Variants in SARM1 observed in about 807,000 individuals in gnomAD.
SARM1 encodes the protein sterile alpha and TIR motif containing 1, also known as NAD(+) hydrolase SARM1.
In SARM1, 60 loss-of-function variants were observed where a neutral mutation model predicts 65.1. The ratio of observed to expected loss-of-function variants is 0.92; its 90% CI spans 0.75 to 1.14. The LOEUF is 1.14. SARM1 is among the 50% of genes most tolerant of loss of function. The pLI is 0.00. For missense variants in SARM1, 913 were observed against 1,015.7 expected (o/e 0.90, Z 1.37); for synonymous variants, 417 against 465.4 (o/e 0.90, Z 1.34).
chr17:28,396,109 G>A (rs904782406), intron 8 of SARM1, 48 bp from the exon 9 acceptor site: 3 of 1,613,594 alleles, frequency 1.9e-6, no homozygotes, highest in African/African-American at 2.7e-5. Flanking sequence ...CTGACTAGCA[G>A]CTCCCTCTGC....
At chr17:28,378,988 A>AT (rs2068007287) in intron 1 of SARM1, among the ~76,000 whole-genome samples, 1 of 152,140 alleles carries the variant, frequency 6.6e-6, no homozygotes, top group African/African-American at 2.4e-5. Context: ...CTTGATACTG[A>AT]TTGCCTCCAA....
In SARM1 at chr17:28,385,134, C is replaced by T. The variant is rs553007455; in HGVS notation, c.1489C>T (p.Arg497Cys). 1.2e-6 allele frequency: 2 copies of T among 1,613,454 alleles called. No homozygotes were observed. Among genetic ancestry groups the T allele is most frequent in the East Asian group, 2.2e-5 (1 of 44,876 alleles). ...LADWLGSLDPRFRQYTYGLVS... is the reference protein window; with the variant it reads ...LADWLGSLDPCFRQYTYGLVS... ...GGACTGGCTGGGCAGCCTGGACCCG[C>T]GCTTCCGCCAGTACACCTACGGCCT... Residue 497 changes from arginine (R) to cysteine (C), a missense_variant, in exon 5 of 9, where the codon CGC becomes TGC. By Grantham distance (180) the Arg-to-Cys change is radical. Transcript: ENST00000585482. This position sits in a 1 kb window ranked among gnomAD's most constrained non-coding sequence, Gnocchi z 4.5.
rs1450481786 is a variant in SARM1 at position 28,372,812 on chromosome 17, C to A, written c.470+310C>A. On this transcript the variant is annotated intron_variant, in intron 1 of 8. Coordinates refer to ENST00000585482, the MANE Select transcript of SARM1 (RefSeq NM_015077.4). The surrounding 1 kb of genome is among the most constrained non-coding windows in gnomAD (Gnocchi z 5.2). The stretch of plus-strand genomic sequence containing the variant: ...TGGAGATGGCATCCTATTGCCAATT[C>A]TCCCTCTCCCCCGCCCCCCAAGCCC... 6.6e-6 allele frequency among the ~76,000 whole-genome samples: 1 copy of A among 152,172 alleles called. No individual in the cohort carries two copies. Among genetic ancestry groups the A allele is most frequent in the Non-Finnish European group, 1.5e-5 (1 of 68,036 alleles).
At chr17:28,377,342 CG>C (rs56989917) in intron 1 of SARM1, among the ~76,000 whole-genome samples, 17,228 of 152,042 alleles carry the variant, frequency 0.11, 1,138 homozygotes, top group East Asian at 0.23. Context: ...GTATTCCCAG[CG>C]CTTTGGGAGG....
Position 28,371,945 on chromosome 17 carries a change from C to A in SARM1, c.-88C>A. ...TCCCCCTCCATCTTCTTTCCCCGAC[C>A]CCTCTCGGGTCCCTCTTTTCCCAAA... On this transcript the variant is annotated 5_prime_UTR_variant, in exon 1 of 9. Transcript: ENST00000585482. 1 of 969,968 alleles carries A rather than the reference C, an allele frequency of 1.0e-6. No homozygotes were observed. The highest frequency in any genetic ancestry group is 1.4e-6 in the Non-Finnish European group (1 of 705,176). The allele number at this position is 969,968 out of a possible 1,614,324, so 60.1% of individuals were successfully genotyped here. A position where few individuals can be genotyped will look rare whatever the true frequency, so the allele number is the denominator to read the frequency against.
intron 5 of SARM1, among the ~76,000 whole-genome samples, chr17:28,387,238 T>TTTC (rs1567808763): frequency 6.9e-6 from 1 of 145,094 alleles, no homozygotes. Context: ...TTTCTTTTCT[T>TTTC]TTTTTTTTTT....
At chr17:28,392,372 T>A (rs1555587023) in intron 7 of SARM1, among the ~76,000 whole-genome samples, 1 of 151,954 alleles carries the variant, frequency 6.6e-6, no homozygotes, top group African/African-American at 2.4e-5. Flanking sequence ...CGCCTTGGCC[T>A]CCCAAAGTGC....
intron 7 of SARM1, among the ~76,000 whole-genome samples, chr17:28,389,742 G>A (rs1449317787): frequency 6.6e-6 from 1 of 152,178 alleles, no homozygotes; most frequent in Non-Finnish European, 1.5e-5. Flanking sequence ...ACAAAAATTA[G>A]CCAGGCATGG....
Position 28,403,092 on chromosome 17 carries a change from A to G in SARM1, c.*6806A>G, listed in dbSNP as rs1555589990. 1 of 152,308 alleles carries G rather than the reference A, an allele frequency of 6.6e-6. No individual in the cohort carries two copies. Among genetic ancestry groups the G allele is most frequent in the East Asian group, 1.9e-4 (1 of 5,190 alleles). The allele number at this position is 152,308 out of a possible 1,614,324, so 9.4% of individuals were successfully genotyped here. On this transcript the variant is annotated 3_prime_UTR_variant, in exon 9 of 9. Transcript: ENST00000585482. ...GCCAGCAGCCCCAGAAGCTGGAAGA[A>G]ATGAGAAACACGTTCTCTCCTGGAG...
intron 7 of SARM1, chr17:28,395,567 T>A (rs1421872113): frequency 2.5e-5 from 6 of 240,998 alleles, no homozygotes; most frequent in Non-Finnish European, 8.2e-6. Context: ...CATGCCCTGG[T>A]CTCCCTGGTG....
chr17:28,388,972 C>T (rs192733269), intron 7 of SARM1, among the ~76,000 whole-genome samples: 5 of 152,134 alleles, frequency 3.3e-5, no homozygotes, highest in South Asian at 4.1e-4. Flanking sequence ...AGGGTTTCAC[C>T]GTGTTAGCCA....
chr17:28,383,653 C>T (rs1211571513), intron 2 of SARM1, among the ~76,000 whole-genome samples: 1 of 152,184 alleles, frequency 6.6e-6, no homozygotes, highest in Non-Finnish European at 1.5e-5. Context: ...AAAGACATCT[C>T]GAGTCCCACT....
rs1555585637 is a variant in SARM1 at position 28,384,445 on chromosome 17, C to T, written c.1178C>T (p.Ala393Val). 1 of 1,613,356 alleles carries T rather than the reference C, an allele frequency of 6.2e-7. No individual in the cohort carries two copies. Among genetic ancestry groups the T allele is most frequent in the Middle Eastern group, 1.7e-4 (1 of 6,056 alleles). ...ACTAAGTCGGCGCTGGCCAAGCGCG[C>T]GCTGCGCCTGCTGGGCGAGGAGGTG... is the stretch of plus-strand genomic sequence containing the variant. ...NGTKSALAKR[A>V]LRLLGEEVPR... Residue 393 changes from alanine to valine, a missense_variant, in exon 3 of 9, where the codon GCG becomes GTG. Around this residue, in one of 3 missense-constraint regions of SARM1, gnomAD observed 862 missense variants for 952.1 expected, o/e 0.91. Transcript: ENST00000585482. The surrounding 1 kb of genome is among the most constrained non-coding windows in gnomAD (Gnocchi z 4.4).
chr17:28,388,927 C>T (rs572988331), intron 7 of SARM1, among the ~76,000 whole-genome samples: 4 of 152,092 alleles, frequency 2.6e-5, no homozygotes, highest in Non-Finnish European at 2.9e-5. Flanking sequence ...CCCGCCACCA[C>T]GGCTGGCTAA....
Position 28,372,436 on chromosome 17 carries a change from C to A in SARM1, c.404C>A (p.Ala135Glu). The A allele has an allele frequency of 6.5e-7, 1 of 1,530,390 alleles. No individual in the cohort carries two copies. Among genetic ancestry groups the A allele is most frequent in the Non-Finnish European group, 8.7e-7 (1 of 1,145,278 alleles). 94.8% of individuals were successfully genotyped at this position (1,530,390 alleles called of 1,614,324 possible). ...GACCTGCTGTTGCGGCTGCTGCAGG[C>A]GCCGGAGTTGGAGACGCGTGTGCAG... ...GLDLLLRLLQ[A>E]PELETRVQAA... Residue 135 changes from alanine to glutamate, a missense_variant, in exon 1 of 9, where the codon GCG becomes GAG. Ala to Glu is a moderately radical substitution (Grantham distance 107). Transcript: ENST00000585482. This position sits in a 1 kb window ranked among gnomAD's most constrained non-coding sequence, Gnocchi z 5.2.
rs1054509678 is a variant in SARM1, at chr17:28,372,737, G to T, written c.470+235G>T. Among the ~76,000 whole-genome samples the T allele has an allele frequency of 6.6e-5, 10 of 152,202 alleles. No homozygotes were observed. Among genetic ancestry groups the T allele is most frequent in the Non-Finnish European group, 1.0e-4 (7 of 68,036 alleles). On this transcript the variant is annotated intron_variant, in intron 1 of 8. Transcript: ENST00000585482. The surrounding 1 kb of genome is among the most constrained non-coding windows in gnomAD (Gnocchi z 5.2). ...ACTAAGATTTGCTCCCAGGGCTAGT[G>T]GGGTGAGGAATGGAGTTACAGGACA...
At position 28,400,606 on chromosome 17, in the gene SARM1, T is replaced by C; in HGVS notation, c.*4320T>C. 6.2e-7 allele frequency: 1 copy of C among 1,613,580 alleles called. No individual in the cohort carries two copies. The highest frequency in any genetic ancestry group is 8.5e-7 in the Non-Finnish European group (1 of 1,179,718). ...ATGAGCATGGGTTCAGGGCCCTGCA[T>C]TACCCAATCAGAACAGCCGGGATGA... On this transcript the variant is annotated 3_prime_UTR_variant, in exon 9 of 9. Coordinates refer to ENST00000585482, the MANE Select transcript of SARM1 (RefSeq NM_015077.4).
Position 28,372,956 on chromosome 17 carries a change from A to C in SARM1, c.470+454A>C. 6.4e-6 allele frequency: 1 copy of C among 156,610 alleles called. No homozygotes were observed. The highest frequency in any genetic ancestry group is 1.4e-5 in the Non-Finnish European group (1 of 71,084). The allele number at this position is 156,610 out of a possible 1,614,324, so 9.7% of individuals were successfully genotyped here. ...CAACGCTCAGAAAAGAGGGAGGGAG[A>C]CCTCTCCTTTCCCTCCTCCCCAGGC... On this transcript the variant is annotated intron_variant, in intron 1 of 8. Transcript: ENST00000585482. This position sits in a 1 kb window ranked among gnomAD's most constrained non-coding sequence, Gnocchi z 5.2.
chr17:28,385,395 TG>T lies in SARM1; in HGVS notation c.1630+123del, dbSNP rs782325245. ...GCCGTGGATTGATTGAGCACAAACGTGGGTCACACTGGGCTCTGAGGATGTA... is the reference window on the plus strand; with the variant it reads ...GCCGTGGATTGATTGAGCACAAACGTGGTCACACTGGGCTCTGAGGATGTA... On this transcript the variant is annotated intron_variant, in intron 5 of 8. Coordinates refer to ENST00000585482, the MANE Select transcript of SARM1 (RefSeq NM_015077.4). The surrounding 1 kb of genome is among the most constrained non-coding windows in gnomAD (Gnocchi z 4.5). 12 of 720,006 alleles carry T rather than the reference TG, an allele frequency of 1.7e-5. No homozygotes were observed. The highest frequency in any genetic ancestry group is 2.2e-5 in the Non-Finnish European group (10 of 446,686). The allele number at this position is 720,006 out of a possible 1,614,324, so 44.6% of individuals were successfully genotyped here.
Sources: gnomAD v4.1 joint callset for allele counts (sites outside exome capture counted in the v4.1 genomes callset) on GRCh38, gnomAD v4.1.1 for gene constraint, gnomAD v4.1.1 regional missense constraint, Gnocchi (gnomAD v3.1) non-coding constraint, MANE v1.5 for transcripts, NCBI Gene and HGNC (gene_info 2026-07-23, HGNC 2026-07-21) for gene names.